Variants in KAZN observed in about 807,000 individuals in gnomAD.
KAZN encodes kazrin.
KAZN carries 40 observed loss-of-function variants against 87.4 expected under a neutral mutation model. That is an observed-to-expected ratio of 0.46 (90% CI 0.36 to 0.60). The LOEUF is 0.60. Ranked by LOEUF, KAZN falls within the 20% of genes least tolerant of loss-of-function variation. The probability of loss-of-function intolerance (pLI) is 0.00; values close to 1 mark genes in which losing one functional copy is unlikely to be tolerated. For synonymous variants in KAZN, 466 were observed against 458.3 expected, an observed-to-expected ratio of 1.02 and a Z score of -0.22; for missense variants, 898 against 1,073.9, an observed-to-expected ratio of 0.84 and a Z score of 2.29.
intron 2 of KAZN, among the ~76,000 whole-genome samples, chr1:14,967,041 A>C (rs535092802): frequency 1.3e-5 from 2 of 152,302 alleles, no homozygotes; most frequent in Admixed American, 1.3e-4. Flanking sequence ...GGAGGTGGGA[A>C]GGGACACCTG....
intron 2 of KAZN, among the ~76,000 whole-genome samples, chr1:14,528,356 A>G (rs1269831030): frequency 8.7e-5 from 13 of 149,914 alleles, no homozygotes; most frequent in East Asian, 2.0e-4. Flanking sequence ...AAAAAAAAAA[A>G]AAAAAGAAAG....
At chr1:14,010,083 A>T (rs2101185355) in intron 1 of KAZN, among the ~76,000 whole-genome samples, 1 of 152,308 alleles carries the variant, frequency 6.6e-6, no homozygotes, top group Middle Eastern at 3.4e-3. Flanking sequence ...CATCTGTGCT[A>T]TTATCTAAAT....
At chr1:14,152,293 T>G (rs1270751367) in intron 1 of KAZN, among the ~76,000 whole-genome samples, 1 of 152,200 alleles carries the variant, frequency 6.6e-6, no homozygotes, top group Non-Finnish European at 1.5e-5. Context: ...CCATTTTTTC[T>G]TTTTGGACTC....
intron 1 of KAZN, among the ~76,000 whole-genome samples, chr1:14,818,082 C>T (rs749454694): frequency 1.3e-5 from 2 of 152,256 alleles, no homozygotes; most frequent in Non-Finnish European, 2.9e-5. Flanking sequence ...TAACATCATC[C>T]TTCTCTTCCC....
chr1:14,279,854 C>T (rs1368006831), intron 2 of KAZN, among the ~76,000 whole-genome samples: 4 of 152,130 alleles, frequency 2.6e-5, no homozygotes, highest in Middle Eastern at 3.2e-3. Flanking sequence ...CACAGAAGAA[C>T]GGCCCAGGAG....
chr1:14,565,650 A>T (rs1311815511), intron 2 of KAZN, among the ~76,000 whole-genome samples: 1 of 152,248 alleles, frequency 6.6e-6, no homozygotes, highest in East Asian at 1.9e-4. Flanking sequence ...CAATCCCTTC[A>T]AACCCTGCTG....
chr1:14,398,836 C>A (rs561016924), intron 2 of KAZN, among the ~76,000 whole-genome samples: 8 of 152,074 alleles, frequency 5.3e-5, no homozygotes, highest in Non-Finnish European at 1.0e-4. Context: ...TGCAGGACCC[C>A]GTTGTGTTTC....
chr1:14,922,616 AC>A (rs1658648330), intron 1 of KAZN, among the ~76,000 whole-genome samples: 1 of 151,894 alleles, frequency 6.6e-6, no homozygotes, highest in Non-Finnish European at 1.5e-5. Flanking sequence ...ACATGGCGAA[AC>A]CCTGTCTCTA....
At chr1:14,472,700 G>A (rs1668518896) in intron 2 of KAZN, among the ~76,000 whole-genome samples, 1 of 151,512 alleles carries the variant, frequency 6.6e-6, no homozygotes, top group Non-Finnish European at 1.5e-5. Flanking sequence ...GAGAAAGACA[G>A]GAATCACAGC....
At chr1:13,910,886 T>C (rs1483274052) in intron 1 of KAZN, among the ~76,000 whole-genome samples, 6 of 152,074 alleles carry the variant, frequency 3.9e-5, no homozygotes, top group East Asian at 1.9e-4. Flanking sequence ...AGGGGTTTTA[T>C]TGGCTCACAA....
chr1:14,698,913 G>C (rs1038493147), intron 1 of KAZN, among the ~76,000 whole-genome samples: 2 of 152,262 alleles, frequency 1.3e-5, no homozygotes, highest in Non-Finnish European at 2.9e-5. Flanking sequence ...AAGTGGACAA[G>C]TTTAGCTGGC....
chr1:14,182,488 A>G (rs1646218309), intron 2 of KAZN, among the ~76,000 whole-genome samples: 1 of 152,140 alleles, frequency 6.6e-6, no homozygotes, highest in African/African-American at 2.4e-5. Flanking sequence ...TAACTTTTTG[A>G]AACAGTGTTT....
intron 8 of KAZN, among the ~76,000 whole-genome samples, chr1:15,084,637 G>A (rs573370198): frequency 1.1e-4 from 16 of 152,326 alleles, no homozygotes; most frequent in African/African-American, 3.8e-4. Flanking sequence ...CAAAGTGGAA[G>A]AACAGAGCCA....
At chr1:14,953,432 A>G (rs934805494) in intron 1 of KAZN, among the ~76,000 whole-genome samples, 4 of 152,204 alleles carry the variant, frequency 2.6e-5, no homozygotes, top group African/African-American at 9.7e-5. Context: ...TCTGTGTCCA[A>G]ACCCTGGCTC....
chr1:15,030,565 A>T (rs1039017672), intron 2 of KAZN, among the ~76,000 whole-genome samples: 1 of 152,302 alleles, frequency 6.6e-6, no homozygotes, highest in Admixed American at 6.5e-5. Flanking sequence ...CTGGTCATAC[A>T]TCTTTAGATG....
chr1:14,938,691 T>C (rs1244273981), intron 1 of KAZN, among the ~76,000 whole-genome samples: 3 of 152,186 alleles, frequency 2.0e-5, no homozygotes, highest in Non-Finnish European at 4.4e-5. Flanking sequence ...GCAGTTAGCA[T>C]CTGCCCGGGC....
At chr1:14,276,890 T>A (rs970388555) in intron 2 of KAZN, among the ~76,000 whole-genome samples, 2 of 152,240 alleles carry the variant, frequency 1.3e-5, no homozygotes, top group African/African-American at 4.8e-5. Context: ...CTGAATTTTT[T>A]AAATACATTG....
At chr1:14,094,300 G>A (rs1400797598) in intron 1 of KAZN, among the ~76,000 whole-genome samples, 1 of 152,058 alleles carries the variant, frequency 6.6e-6, no homozygotes, top group African/African-American at 2.4e-5. Context: ...CGATTCTGGA[G>A]GGCAATTTGG....
intron 1 of KAZN, among the ~76,000 whole-genome samples, chr1:14,901,216 T>A (rs1412171038): frequency 1.3e-5 from 2 of 152,162 alleles, no homozygotes; most frequent in Non-Finnish European, 2.9e-5. Flanking sequence ...GACGTAGACC[T>A]GAATGGCATC....
Sources: allele counts gnomAD v4.1 joint callset (sites outside exome capture counted in the v4.1 genomes callset), GRCh38; gene constraint gnomAD v4.1.1; transcripts MANE v1.5; gene names NCBI Gene and HGNC (gene_info 2026-07-23, HGNC 2026-07-21).